The following USH1C variants were observed in gnomAD, a reference collection of about 807,000 sequenced individuals.
USH1C encodes the protein harmonin.
A neutral mutation model predicts 119.3 loss-of-function variants in USH1C; 90 were observed. The ratio of observed to expected loss-of-function variants is 0.75; its 90% CI spans 0.64 to 0.90. USH1C has a LOEUF of 0.90. Among genes scored for constraint, USH1C ranks in the 40% least tolerant of loss-of-function variants. The probability of loss-of-function intolerance (pLI) is 0.00; values close to 1 mark genes in which losing one functional copy is unlikely to be tolerated. For missense variants in USH1C, 1,165 were observed against 1,167.7 expected, an observed-to-expected ratio of 1.00 and a Z score of 0.03; for synonymous variants, 465 against 443.3, an observed-to-expected ratio of 1.05 and a Z score of -0.62.
chr11:17,537,404 C>G (rs1175097382), intron 1 of USH1C, among the ~76,000 whole-genome samples: 1 of 152,138 alleles, frequency 6.6e-6, no homozygotes, highest in Non-Finnish European at 1.5e-5. Context: ...TCTTCATTTC[C>G]CTGTGGAACC....
chr11:17,526,343 C>T lies in USH1C; in HGVS notation c.674+4G>A, dbSNP rs202095395. 2.9e-4 allele frequency: 466 copies of T among 1,613,020 alleles called. 2 individuals are homozygous for T. The African/African-American group carries it at 5.6e-3, about 19-fold the overall frequency. ...AATGACCCCAGGGCATGCCTGCCAC[C>T]CACCTGCAGCCAAGGCCTCGGGAGC... On this transcript the variant is annotated splice_donor_region_variant and intron_variant, in intron 8 of 26. Transcript: ENST00000005226.
chr11:17,542,600 A>T (rs1336649890), intron 1 of USH1C, among the ~76,000 whole-genome samples: 1 of 152,260 alleles, frequency 6.6e-6, no homozygotes, highest in Non-Finnish European at 1.5e-5. Flanking sequence ...CAGGATCTGC[A>T]TCAGACACCA....
At chr11:17,520,724 G>T in intron 14 of USH1C, 146 bp downstream of exon 14, 1 of 977,710 alleles carries the variant, frequency 1.0e-6, no homozygotes, top group Non-Finnish European at 1.6e-6. Context: ...GGGGCAGATG[G>T]TCTCTGACCC....
rs1230717794 is a variant in USH1C, at chr11:17,494,356, T to C, written c.2676A>G (p.Lys892=). 1 of 1,605,682 alleles carries C rather than the reference T, an allele frequency of 6.2e-7. No individual in the cohort carries two copies. The highest frequency in any genetic ancestry group is 1.3e-5 in the African/African-American group (1 of 74,752). Residue 892 remains lysine (K), a synonymous_variant, in exon 27 of 27, where the codon AAA becomes AAG. Transcript: ENST00000005226. ...LEPTDLLLKS[K]RGNQIHR is the part of the protein sequence containing the mutation. ...CCTAACGGTGAATTTGGTTTCCCCTTTTGGACTTCAGAAGAAGGTCCTGCA... is the reference window on the plus strand; with the variant it reads ...CCTAACGGTGAATTTGGTTTCCCCTCTTGGACTTCAGAAGAAGGTCCTGCA...
At chr11:17,541,654 C>A (rs914514335) in intron 1 of USH1C, among the ~76,000 whole-genome samples, 1 of 152,230 alleles carries the variant, frequency 6.6e-6, no homozygotes, top group African/African-American at 2.4e-5. Flanking sequence ...CCTGCTCCCC[C>A]ACATCCTGGC....
chr11:17,501,862 C>T (rs1849460012), intron 21 of USH1C, 77 bp downstream of exon 21: 2 of 1,531,586 alleles, frequency 1.3e-6, no homozygotes, highest in Non-Finnish European at 1.8e-6. Context: ...CCAGAATGCA[C>T]CACTATCAAA....
At chr11:17,514,436 C>G (rs1850044067) in intron 15 of USH1C, 1 of 152,258 alleles carries the variant, frequency 6.6e-6, no homozygotes, top group Non-Finnish European at 1.5e-5. Flanking sequence ...CCAGGCTGGT[C>G]TTGAACTCCC....
rs1254100223 is a variant in USH1C at position 17,505,948 on chromosome 11, G to A, written c.2015C>T (p.Thr672Ile). The A allele has an allele frequency of 2.5e-6, 4 of 1,614,204 alleles. No homozygotes were observed. Among genetic ancestry groups the A allele is most frequent in the Non-Finnish European group, 3.4e-6 (4 of 1,180,024 alleles). ...PEQSFPPTPK[T>I]FCPSPQPPRG... ...TGGAGGCTGTGGGCTTGGGCAAAAT[G>A]TCTAAGGAGTTAGTTTAACAGGGAC... Residue 672 changes from threonine to isoleucine, a missense_variant and splice_region_variant, in exon 19 of 27, where the codon ACA becomes ATA. Physicochemically the swap from Thr to Ile is moderately conservative, Grantham distance 89 (BLOSUM62 -1). Transcript: ENST00000005226.
chr11:17,534,936 G>C (rs923508803), intron 1 of USH1C, among the ~76,000 whole-genome samples: 1 of 151,098 alleles, frequency 6.6e-6, no homozygotes, highest in African/African-American at 2.4e-5. Context: ...GCTTGAGTGG[G>C]TGGTACTAAA....
At chr11:17,518,733 C>A (rs1320014312) in intron 14 of USH1C, among the ~76,000 whole-genome samples, 1 of 152,122 alleles carries the variant, frequency 6.6e-6, no homozygotes, top group Non-Finnish European at 1.5e-5. Context: ...AAATGCAGGG[C>A]CCGGGGCCAG....
chr11:17,537,397 T>C lies in USH1C; in HGVS notation c.37-4075A>G, dbSNP rs574613939. On this transcript the variant is annotated intron_variant, in intron 1 of 26. Transcript: ENST00000005226. ...CTTCCCTTCCTTCCAAACATGTTCT[T>C]CATTTCCCTGTGGAACCCAGAACCA... is the stretch of plus-strand genomic sequence containing the variant. 9.8e-5 allele frequency among the ~76,000 whole-genome samples: 15 copies of C among 152,286 alleles called. 1 individual carries two copies. The East Asian group carries it at 1.7e-3, about 18-fold the overall frequency.
chr11:17,512,093 A>G (rs779711772), intron 15 of USH1C, 39 bp from the exon 16 acceptor site: 1 of 1,610,238 alleles, frequency 6.2e-7, no homozygotes, highest in South Asian at 1.1e-5. Context: ...CAAAGGTTAG[A>G]AATAGTGTCG....
Position 17,523,283 on chromosome 11 carries a change from G to T in USH1C, c.820-16C>A. On this transcript the variant is annotated splice_polypyrimidine_tract_variant and intron_variant, in intron 10 of 26. Coordinates refer to ENST00000005226, the MANE Select transcript of USH1C (RefSeq NM_153676.4). ...CATTTACAGCCTGTGGGGACAGAAG[G>T]ACAGTGGGCCGAGGCCTGACAGACC... The T allele has an allele frequency of 6.2e-7, 1 of 1,614,216 alleles. No individual in the cohort carries two copies. Among genetic ancestry groups the T allele is most frequent in the Non-Finnish European group, 8.5e-7 (1 of 1,180,030 alleles).
chr11:17,494,626 G>A, intron 26 of USH1C: 1 of 583,042 alleles, frequency 1.7e-6, no homozygotes, highest in Non-Finnish European at 3.1e-6. Flanking sequence ...AGGAACAGGG[G>A]CAAGAGTCCT....
intron 15 of USH1C, among the ~76,000 whole-genome samples, chr11:17,513,522 C>T (rs535000095): frequency 6.6e-6 from 1 of 152,274 alleles, no homozygotes; most frequent in African/African-American, 2.4e-5. Context: ...CTCCTAAAGA[C>T]ACACACCTCT....
rs1849179377 is a variant in USH1C at position 17,494,576 on chromosome 11, G to T, written c.2656-200C>A. On this transcript the variant is annotated intron_variant, in intron 26 of 26. Transcript: ENST00000005226. ...CAGCACACAGGAGGCCAGGGAGAAA[G>T]CGGGAGGGACACCTGGGATGGGGGA... 1.4e-5 allele frequency: 9 copies of T among 640,260 alleles called. No homozygotes were observed. The East Asian group carries it at 2.2e-4, about 16-fold the overall frequency. 39.7% of individuals were successfully genotyped at this position (640,260 alleles called of 1,614,324 possible).
intron 7 of USH1C, 55 bp from the exon 8 acceptor site, chr11:17,526,496 T>C (rs1444195966): frequency 1.3e-6 from 2 of 1,514,348 alleles, no homozygotes; most frequent in Non-Finnish European, 1.8e-6. Context: ...GCAAGCGGCC[T>C]CTTGAGCTTG....
intron 8 of USH1C, among the ~76,000 whole-genome samples, chr11:17,525,264 C>T (rs532539317): frequency 2.0e-5 from 3 of 152,254 alleles, no homozygotes; most frequent in South Asian, 2.1e-4. Context: ...AATGTAGTCC[C>T]GTTCGAGTCC....
intron 19 of USH1C, 90 bp downstream of exon 19, chr11:17,505,740 T>C: frequency 6.3e-7 from 1 of 1,586,132 alleles, no homozygotes; most frequent in Non-Finnish European, 8.6e-7. Flanking sequence ...TTGTCCCACC[T>C]CACTTGCCCT....
Sources: gnomAD v4.1 joint callset for allele counts (sites outside exome capture counted in the v4.1 genomes callset) on GRCh38, gnomAD v4.1.1 for gene constraint, MANE v1.5 for transcripts, NCBI Gene and HGNC (gene_info 2026-07-23, HGNC 2026-07-21) for gene names.